Variants in ARFGEF1 observed in about 807,000 individuals in gnomAD.
The protein encoded by ARFGEF1 is ARF guanine nucleotide exchange factor 1, also known as brefeldin A-inhibited guanine nucleotide-exchange protein 1.
In ARFGEF1, 42 loss-of-function variants were observed where a neutral mutation model predicts 231.0. The ratio of observed to expected loss-of-function variants is 0.18; its 90% CI spans 0.14 to 0.24. ARFGEF1 has a LOEUF of 0.24. Ranked by LOEUF, ARFGEF1 falls within the 10% of genes least tolerant of loss-of-function variation. The probability of loss-of-function intolerance (pLI) is 1.00; values close to 1 mark genes in which losing one functional copy is unlikely to be tolerated. For missense variants in ARFGEF1, 1,345 were observed against 2,192.0 expected, an observed-to-expected ratio of 0.61 and a Z score of 7.72; for synonymous variants, 710 against 732.3, an observed-to-expected ratio of 0.97 and a Z score of 0.49.
chr8:67,204,571 TATG>T (rs1838445781), intron 35 of ARFGEF1, 106 bp downstream of exon 35: 1 of 1,289,140 alleles, frequency 7.8e-7, no homozygotes, highest in East Asian at 2.4e-5. Flanking sequence ...AGGACATCTG[TATG>T]ATGAAGGCCC....
intron 1 of ARFGEF1, among the ~76,000 whole-genome samples, chr8:67,316,235 C>T (rs1276999877): frequency 6.6e-6 from 1 of 152,146 alleles, no homozygotes; most frequent in Non-Finnish European, 1.5e-5. Context: ...TGAAATAGAT[C>T]ATTTGAATAG....
At chr8:67,259,774 G>T (rs1563870470) in intron 15 of ARFGEF1, 41 bp downstream of exon 15, 1 of 1,444,158 alleles carries the variant, frequency 6.9e-7, no homozygotes, top group South Asian at 1.2e-5. Flanking sequence ...AAAATCCCAA[G>T]AATTTTACAG....
At chr8:67,195,331 T>G, downstream of ARFGEF1, 8 of 1,188,374 alleles carry the variant, frequency 6.7e-6, no homozygotes, top group Non-Finnish European at 1.0e-5. Flanking sequence ...CGCTTATGTC[T>G]CCTGCCTGCC....
intron 1 of ARFGEF1, among the ~76,000 whole-genome samples, chr8:67,324,090 C>T (rs1308174647): frequency 2.0e-5 from 3 of 152,228 alleles, no homozygotes; most frequent in East Asian, 3.9e-4. Context: ...CGTGAGCCAC[C>T]GCAGCCAGCC....
chr8:67,292,581 A>G (rs1206084636), intron 5 of ARFGEF1, among the ~76,000 whole-genome samples: 1 of 152,176 alleles, frequency 6.6e-6, no homozygotes, highest in African/African-American at 2.4e-5. Flanking sequence ...ATATCTTTTA[A>G]TAAAAAAATT....
intron 28 of ARFGEF1, among the ~76,000 whole-genome samples, chr8:67,225,619 CACAG>C (rs1839347025): frequency 6.6e-6 from 1 of 152,112 alleles, no homozygotes; most frequent in Admixed American, 6.6e-5. Context: ...TATTACACAG[CACAG>C]ACAGACAAGA....
downstream of ARFGEF1, chr8:67,197,507 C>A (rs774443214): frequency 3.3e-5 from 18 of 545,356 alleles, no homozygotes; most frequent in Non-Finnish European, 3.5e-5. Flanking sequence ...ATGGTAAGTA[C>A]AGTGTAAGGA....
intron 19 of ARFGEF1, among the ~76,000 whole-genome samples, chr8:67,242,628 T>C (rs957620250): frequency 1.3e-5 from 2 of 152,216 alleles, no homozygotes; most frequent in Non-Finnish European, 2.9e-5. Context: ...AGGGACTCCT[T>C]CTTCTTGCAG....
chr8:67,285,373 C>T (rs1414782808), intron 7 of ARFGEF1, among the ~76,000 whole-genome samples: 1 of 151,884 alleles, frequency 6.6e-6, no homozygotes, highest in Non-Finnish European at 1.5e-5. Context: ...AAAAACTAGC[C>T]GGGCGTGGTG....
chr8:67,179,811 GT>G, intron 5 of ARFGEF1: 1 of 1,289,198 alleles, frequency 7.8e-7, no homozygotes, highest in South Asian at 1.2e-5. Context: ...TAAATTTGTT[GT>G]TTTTGTACAC....
intron 30 of ARFGEF1, 69 bp from the exon 31 acceptor site, chr8:67,218,207 AAT>A (rs1228163654): frequency 0.094 from 8,598 of 91,048 alleles, 467 homozygotes; most frequent in Middle Eastern, 0.17. Context: ...AAAAAAAAAA[AAT>A]ATATATATAT....
intron 5 of ARFGEF1, among the ~76,000 whole-genome samples, chr8:67,184,827 C>T (rs1384254463): frequency 4.8e-5 from 7 of 146,150 alleles, no homozygotes; most frequent in Admixed American, 1.4e-4. Context: ...CGGCCGGGCA[C>T]GGTGGCTCAA....
chr8:67,200,482 T>C lies in ARFGEF1; in HGVS notation c.5299A>G (p.Thr1767Ala), dbSNP rs1838288398. 1.9e-6 allele frequency: 3 copies of C among 1,604,576 alleles called. No homozygotes were observed. In the East Asian group the frequency reaches 6.7e-5, roughly 36 times the overall value. ...VCSEALSYFL[T>A]LTSESHREAW... is the part of the protein sequence containing the mutation. ...TCTCGATGACTTTCTGATGTTAGAG[T>C]GAGGAAGTAACTTAGTGCTTCACTG... The change falls in exon 38 of 39, where the codon ACT (threonine) becomes GCT (alanine). Residue 1767 changes from threonine to alanine, a missense_variant. Physicochemically the swap from Thr to Ala is moderately conservative, Grantham distance 58. Coordinates refer to ENST00000262215, the MANE Select transcript of ARFGEF1 (RefSeq NM_006421.5).
chr8:67,222,192 T>TATATATACAC (rs1554636820), intron 29 of ARFGEF1, among the ~76,000 whole-genome samples: 2 of 139,238 alleles, frequency 1.4e-5, no homozygotes, highest in African/African-American at 5.6e-5. Flanking sequence ...CATATATATA[T>TATATATACAC]ATATATATAT....
At chr8:67,289,549 C>CAAAAAAAAA (rs552601455) in intron 6 of ARFGEF1, among the ~76,000 whole-genome samples, 24 of 44,684 alleles carry the variant, frequency 5.4e-4, no homozygotes, top group South Asian at 8.9e-4. Flanking sequence ...ACTCTGTATC[C>CAAAAAAAAA]AAAAAAAAAA....
chr8:67,284,115 A>C (rs1047984595), intron 7 of ARFGEF1, among the ~76,000 whole-genome samples: 9 of 152,330 alleles, frequency 5.9e-5, no homozygotes, highest in African/African-American at 1.9e-4. Context: ...AAACTATGAT[A>C]TATCTGCATA....
At position 67,269,091 on chromosome 8, in the gene ARFGEF1, A is replaced by G. The variant is rs545588826; in HGVS notation, c.1573-1649T>C. ...GGGCTCTAAAAAAATCAACCTTTTAATAATTTATCGAGGACCTATAATGTA... is the reference window on the plus strand; with the variant it reads ...GGGCTCTAAAAAAATCAACCTTTTAGTAATTTATCGAGGACCTATAATGTA... On this transcript the variant is annotated intron_variant, in intron 10 of 38. Coordinates refer to ENST00000262215, the MANE Select transcript of ARFGEF1 (RefSeq NM_006421.5). Among the ~76,000 whole-genome samples the G allele has an allele frequency of 2.0e-5, 3 of 152,312 alleles. No individual in the cohort carries two copies. The South Asian group carries it at 6.2e-4, about 32-fold the overall frequency.
At chr8:67,240,039 TC>T in intron 20 of ARFGEF1, 122 bp downstream of exon 20, 1 of 1,314,290 alleles carries the variant, frequency 7.6e-7, no homozygotes. Context: ...TCATTTAAAT[TC>T]CATCATAAAC....
chr8:67,322,725 G>A (rs1224493558), intron 1 of ARFGEF1, among the ~76,000 whole-genome samples: 2 of 152,104 alleles, frequency 1.3e-5, no homozygotes, highest in Non-Finnish European at 2.9e-5. Context: ...ACAAAAGCCT[G>A]TCTTTACCGA....
Sources: allele counts gnomAD v4.1 joint callset (sites outside exome capture counted in the v4.1 genomes callset), GRCh38; gene constraint gnomAD v4.1.1; transcripts MANE v1.5; gene names NCBI Gene and HGNC (gene_info 2026-07-23, HGNC 2026-07-21).